The following NMD3 variants were observed in gnomAD, a reference collection of about 807,000 sequenced individuals.
The protein encoded by NMD3 is 60S ribosomal export protein NMD3.
NMD3 carries 47 observed loss-of-function variants against 73.1 expected under a neutral mutation model. The observed-to-expected ratio is 0.64, with a 90% CI of 0.51 to 0.82. NMD3 has a LOEUF of 0.82. NMD3 is among the 40% of genes least tolerant of loss of function. The pLI, the probability that NMD3 is intolerant of heterozygous loss-of-function variation, is 0.00. For missense variants in NMD3, 554 were observed against 612.5 expected (o/e 0.90, Z 1.01); for synonymous variants, 210 against 194.5 (o/e 1.08, Z -0.66).
intron 3 of NMD3, among the ~76,000 whole-genome samples, chr3:161,226,427 A>G (rs1331031580): frequency 6.6e-6 from 1 of 152,010 alleles, no homozygotes; most frequent in Non-Finnish European, 1.5e-5. Context: ...ATCCTGGGGG[A>G]TGGAGCGAGA....
intron 11 of NMD3, among the ~76,000 whole-genome samples, chr3:161,245,120 T>C (rs924401041): frequency 6.7e-6 from 1 of 149,144 alleles, no homozygotes; most frequent in Non-Finnish European, 1.5e-5. Flanking sequence ...TGAAATAGTA[T>C]CTAGAGACTC....
chr3:161,250,730 T>C (rs2108105960), intron 15 of NMD3, 50 bp from the exon 16 acceptor site: 1 of 1,121,756 alleles, frequency 8.9e-7, no homozygotes, highest in African/African-American at 1.6e-5. Flanking sequence ...TAATACTTTG[T>C]ATACATATAA....
chr3:161,237,054 A>G (rs1254662277), intron 7 of NMD3, among the ~76,000 whole-genome samples: 3 of 152,120 alleles, frequency 2.0e-5, no homozygotes, highest in Admixed American at 2.0e-4. Flanking sequence ...TTTGGTAATT[A>G]TATTTAGTTA....
At chr3:161,231,434 G>T (rs1485428246) in intron 4 of NMD3, among the ~76,000 whole-genome samples, 1 of 152,162 alleles carries the variant, frequency 6.6e-6, no homozygotes, top group Non-Finnish European at 1.5e-5. Flanking sequence ...GGAGTGAGAG[G>T]TCAGGGTATT....
At chr3:161,221,789 A>T (rs1158742969) in intron 1 of NMD3, 3 of 399,830 alleles carry the variant, frequency 7.5e-6, no homozygotes, top group Non-Finnish European at 1.3e-5. Context: ...AGCTCAGGAA[A>T]TCCCATGGTC....
intron 10 of NMD3, 67 bp from the exon 11 acceptor site, chr3:161,242,437 CTTAG>C (rs574229627): frequency 3.8e-4 from 531 of 1,415,748 alleles, no homozygotes; most frequent in Middle Eastern, 2.0e-3. Context: ...CCAGTTTATT[CTTAG>C]TTAATACATT....
intron 9 of NMD3, 102 bp downstream of exon 9, chr3:161,238,928 A>G: frequency 1.8e-6 from 1 of 570,250 alleles, no homozygotes; most frequent in South Asian, 2.4e-5. Context: ...GGGTTGGTTA[A>G]AAATTTAGAA....
chr3:161,238,215 ACTAAAT>A, intron 8 of NMD3, 24 bp downstream of exon 8: 1 of 1,437,422 alleles, frequency 7.0e-7, no homozygotes, highest in East Asian at 2.3e-5. Flanking sequence ...CTTGAATGTG[ACTAAAT>A]CTAAGGACTT....
intron 13 of NMD3, 128 bp from the exon 14 acceptor site, chr3:161,249,326 C>T (rs1032083618): frequency 7.1e-6 from 4 of 563,118 alleles, no homozygotes; most frequent in Non-Finnish European, 1.3e-5. Flanking sequence ...ACTGTCTCTC[C>T]ATCCCTTCTC....
At chr3:161,252,584 A>G (rs1278636136), downstream of NMD3, among the ~76,000 whole-genome samples, 2 of 152,180 alleles carry the variant, frequency 1.3e-5, no homozygotes, top group Non-Finnish European at 2.9e-5. Context: ...AACCTTGATA[A>G]ATCTACCATA....
At chr3:161,224,124 C>T (rs1352035113) in intron 2 of NMD3, among the ~76,000 whole-genome samples, 2 of 152,198 alleles carry the variant, frequency 1.3e-5, no homozygotes, top group South Asian at 2.1e-4. Flanking sequence ...CATCAATATA[C>T]CTCCATTTGT....
At chr3:161,238,286 T>A in intron 8 of NMD3, 95 bp downstream of exon 8, 1 of 814,140 alleles carries the variant, frequency 1.2e-6, no homozygotes, top group Non-Finnish European at 2.0e-6. Context: ...TCTCTTTATT[T>A]AAAATCGTAG....
chr3:161,229,201 G>T (rs1736442235), intron 4 of NMD3, among the ~76,000 whole-genome samples: 2 of 152,172 alleles, frequency 1.3e-5, no homozygotes, highest in African/African-American at 4.8e-5. Context: ...TACTCTGAGT[G>T]TAAGGAGTAT....
intron 11 of NMD3, among the ~76,000 whole-genome samples, chr3:161,245,712 A>G (rs780638435): frequency 1.3e-5 from 2 of 151,978 alleles, no homozygotes; most frequent in Non-Finnish European, 2.9e-5. Flanking sequence ...AAGGGAATTA[A>G]TAGTTTTCTA....
Position 161,242,652 on chromosome 3 carries a change from A to G in NMD3, c.1016A>G (p.Lys339Arg). ...GCAGGTGCTGGAATGATATCAAAAA[A>G]GGTAAGCTACATCCTGCCTGCCAGT... is the stretch of plus-strand genomic sequence containing the variant. ...RAAGAGMISK[K>R]HTLGEVWVQK... Residue 339 changes from lysine (K) to arginine (R), a missense_variant and splice_region_variant, in exon 11 of 16, where the codon AAG (lysine) becomes AGG (arginine). By Grantham distance (26) the Lys-to-Arg change is conservative. Transcript: ENST00000351193. 4 of 1,610,394 alleles carry G rather than the reference A, an allele frequency of 2.5e-6. No individual in the cohort carries two copies. The highest frequency in any genetic ancestry group is 3.4e-6 in the Non-Finnish European group (4 of 1,177,820).
At chr3:161,230,289 ATCTCTCTCTT>A (rs1317280432) in intron 4 of NMD3, among the ~76,000 whole-genome samples, 1 of 151,796 alleles carries the variant, frequency 6.6e-6, no homozygotes, top group Non-Finnish European at 1.5e-5. Context: ...TAGAGGTGAG[ATCTCTCTCTT>A]TCTCTCTCTT....
In NMD3 at chr3:161,247,284, A is replaced by G; in HGVS notation, c.1157A>G (p.Asn386Ser). 3 of 1,612,000 alleles carry G rather than the reference A, an allele frequency of 1.9e-6. No homozygotes were observed. The highest frequency in any genetic ancestry group is 1.7e-6 in the Non-Finnish European group (2 of 1,178,340). Residue 386 changes from asparagine to serine, a missense_variant, in exon 13 of 16, where the codon AAT becomes AGT. Physicochemically the swap from Asn to Ser is conservative, Grantham distance 46. Transcript: ENST00000351193. ...LGFDLANCNL[N>S]DEHVNKMNSD... is the part of the protein sequence containing the mutation. ...TTTGATTTGGCCAACTGTAACTTAA[A>G]TGATGAGCATGTCAACAAAATGAAC...
chr3:161,248,019 C>G (rs909593182), intron 13 of NMD3, among the ~76,000 whole-genome samples: 13 of 151,842 alleles, frequency 8.6e-5, no homozygotes, highest in African/African-American at 3.1e-4. Flanking sequence ...CTCCTGGCTT[C>G]AAGTGATCCT....
At chr3:161,225,097 GT>G in intron 3 of NMD3, 33 bp downstream of exon 3, 2 of 1,593,336 alleles carry the variant, frequency 1.3e-6, no homozygotes, top group Non-Finnish European at 1.7e-6. Flanking sequence ...TCTTTTTAAA[GT>G]TGGAATTTAC....
Sources: allele counts gnomAD v4.1 joint callset (sites outside exome capture counted in the v4.1 genomes callset), GRCh38; gene constraint gnomAD v4.1.1; transcripts MANE v1.5; gene names NCBI Gene and HGNC (gene_info 2026-07-23, HGNC 2026-07-21).